The following REDIC1 variants were observed in gnomAD, a reference collection of about 807,000 sequenced individuals.
REDIC1 encodes the protein regulator of DNA class I crossover intermediates 1.
At chr12:39,701,876 G>C in the REDIC1 span, among the ~76,000 whole-genome samples, 2 of 151,912 alleles carry the variant, frequency 1.3e-5, no homozygotes, top group Non-Finnish European at 2.9e-5. Context: ...AAATAAAGAT[G>C]TTCTTTGAAA....
the REDIC1 span, among the ~76,000 whole-genome samples, chr12:39,711,466 T>TACATATATGTGTATAC: frequency 2.8e-3 from 402 of 143,890 alleles, 2 homozygotes; most frequent in African/African-American, 9.5e-3. Context: ...CATATACACA[T>TACATATATGTGTATAC]ACATATATGT....
the REDIC1 span, among the ~76,000 whole-genome samples, chr12:39,895,659 T>TATGTATATGCGTGTATACGTACAC: frequency 6.9e-5 from 9 of 130,092 alleles, no homozygotes; most frequent in African/African-American, 2.1e-4. Context: ...CGTACACACA[T>TATGTATATGCGTGTATACGTACAC]ATGTATATGC....
At chr12:39,773,097 C>T in the REDIC1 span, among the ~76,000 whole-genome samples, 1 of 152,198 alleles carries the variant, frequency 6.6e-6, no homozygotes, top group Non-Finnish European at 1.5e-5. Flanking sequence ...GAACATAATG[C>T]TCCCGAAAAG....
At chr12:39,759,668 C>T in the REDIC1 span, 10 of 193,644 alleles carry the variant, frequency 5.2e-5, no homozygotes, top group Middle Eastern at 2.4e-3. Flanking sequence ...TGTAATTTGG[C>T]TAGATTAGCA....
chr12:39,759,833 A>G, the REDIC1 span: 1 of 540,552 alleles, frequency 1.8e-6, no homozygotes, highest in South Asian at 2.7e-5. Context: ...AATATTTTTT[A>G]AAATATTGTT....
chr12:39,715,524 G>A, the REDIC1 span, among the ~76,000 whole-genome samples: 1 of 151,802 alleles, frequency 6.6e-6, no homozygotes, highest in Non-Finnish European at 1.5e-5. Context: ...CGAATTCAAT[G>A]CAATTCCCAT....
At chr12:39,667,198 G>A in the REDIC1 span, among the ~76,000 whole-genome samples, 127 of 152,218 alleles carry the variant, frequency 8.3e-4, no homozygotes, top group African/African-American at 2.9e-3. Context: ...TCTCTTGTGG[G>A]CATTTAGTGC....
the REDIC1 span, among the ~76,000 whole-genome samples, chr12:39,715,524 G>T: frequency 1.7e-4 from 26 of 151,802 alleles, no homozygotes; most frequent in South Asian, 6.2e-4. Context: ...CGAATTCAAT[G>T]CAATTCCCAT....
chr12:39,805,212 T>C, the REDIC1 span, among the ~76,000 whole-genome samples: 1 of 152,146 alleles, frequency 6.6e-6, no homozygotes, highest in Non-Finnish European at 1.5e-5. Context: ...GTGGTTTTTA[T>C]TCTAAATGAT....
chr12:39,696,094 C>G, the REDIC1 span, among the ~76,000 whole-genome samples: 1 of 152,084 alleles, frequency 6.6e-6, no homozygotes, highest in Non-Finnish European at 1.5e-5. Flanking sequence ...CACCCAAGTC[C>G]TTTTTGTATT....
the REDIC1 span, among the ~76,000 whole-genome samples, chr12:39,858,773 A>AT: frequency 6.6e-6 from 1 of 151,994 alleles, no homozygotes. Flanking sequence ...CACTTGGCTA[A>AT]TTTTTTGTAT....
the REDIC1 span, among the ~76,000 whole-genome samples, chr12:39,784,597 T>G: frequency 6.6e-6 from 1 of 152,206 alleles, no homozygotes; most frequent in Admixed American, 6.5e-5. Context: ...AATACTTAAA[T>G]GTTAGACCTA....
chr12:39,716,496 C>T, the REDIC1 span, among the ~76,000 whole-genome samples: 2 of 152,010 alleles, frequency 1.3e-5, no homozygotes, highest in Non-Finnish European at 2.9e-5. Flanking sequence ...CCAACTTTCT[C>T]TATTCTGTTT....
At chr12:39,695,100 G>A in the REDIC1 span, among the ~76,000 whole-genome samples, 1 of 152,112 alleles carries the variant, frequency 6.6e-6, no homozygotes, top group Non-Finnish European at 1.5e-5. Context: ...CATCAGTGAT[G>A]CCCAGGGACT....
At chr12:39,680,008 T>C in the REDIC1 span, among the ~76,000 whole-genome samples, 2 of 151,858 alleles carry the variant, frequency 1.3e-5, no homozygotes, top group Non-Finnish European at 2.9e-5. Context: ...TAAAAAACTT[T>C]AAGACATGAA....
At chr12:39,680,759 AATAC>A in the REDIC1 span, among the ~76,000 whole-genome samples, 4 of 120,900 alleles carry the variant, frequency 3.3e-5, no homozygotes, top group Non-Finnish European at 5.3e-5. Context: ...GGGTGAAGAA[AATAC>A]ATACGCACAC....
At chr12:39,780,524 G>C in the REDIC1 span, among the ~76,000 whole-genome samples, 1 of 152,178 alleles carries the variant, frequency 6.6e-6, no homozygotes, top group Non-Finnish European at 1.5e-5. Context: ...GCAGCATCTT[G>C]GCAGGTCTGC....
At chr12:39,755,589 T>G in the REDIC1 span, 2 of 152,096 alleles carry the variant, frequency 1.3e-5, no homozygotes, top group Non-Finnish European at 2.9e-5. Context: ...TGAGATGGAA[T>G]AATGTTGTTT....
the REDIC1 span, among the ~76,000 whole-genome samples, chr12:39,654,480 C>T: frequency 5.3e-5 from 8 of 151,704 alleles, no homozygotes; most frequent in Non-Finnish European, 8.8e-5. Flanking sequence ...CCCAGCTACT[C>T]GGGAGCCTGA....
Sources: allele counts gnomAD v4.1 joint callset (sites outside exome capture counted in the v4.1 genomes callset), GRCh38; gene constraint gnomAD v4.1.1; transcripts MANE v1.5; gene names NCBI Gene and HGNC (gene_info 2026-07-23, HGNC 2026-07-21).